Variants in LRRC37B observed in about 807,000 individuals in gnomAD.
LRRC37B encodes leucine-rich repeat-containing protein 37B.
LRRC37B carries 28 observed loss-of-function variants against 98.3 expected under a neutral mutation model. The ratio of observed to expected loss-of-function variants is 0.28; its 90% CI spans 0.21 to 0.39. The LOEUF (loss-of-function observed/expected upper bound fraction) is 0.39. LRRC37B is among the 10% of genes least tolerant of loss of function. The probability of loss-of-function intolerance (pLI) is 1.00; values close to 1 mark genes in which losing one functional copy is unlikely to be tolerated. For missense variants in LRRC37B, 938 were observed against 1,182.7 expected, an observed-to-expected ratio of 0.79 and a Z score of 3.03; for synonymous variants, 364 against 442.7, an observed-to-expected ratio of 0.82 and a Z score of 2.23.
chr17:32,011,145 C>T (rs552291126), intron 1 of LRRC37B, among the ~76,000 whole-genome samples: 2 of 151,748 alleles, frequency 1.3e-5, no homozygotes, highest in African/African-American at 2.4e-5. Flanking sequence ...TACAGGCACC[C>T]GCCACCACGC....
At chr17:32,026,485 C>A (rs150090108) in intron 2 of LRRC37B, among the ~76,000 whole-genome samples, 15,560 of 152,168 alleles carry the variant, frequency 0.1, 1,097 homozygotes, top group Middle Eastern at 0.15. Context: ...CTGGAGTTCA[C>A]TGGTGCGATC....
At chr17:32,022,416 A>T in exon 1 of LRRC37B, 2 of 1,613,456 alleles carry the variant, frequency 1.2e-6, no homozygotes, top group Non-Finnish European at 1.7e-6. Context: ...CCTGGAGCTT[A>T]GCATAACTAC....
chr17:32,021,478 C>A (rs1910778343), exon 1 of LRRC37B: 1 of 1,614,040 alleles, frequency 6.2e-7, no homozygotes, highest in African/African-American at 1.3e-5. Flanking sequence ...CCCCTGGGGC[C>A]AGAGCCGTTC....
At chr17:32,020,813 C>T, upstream of LRRC37B, 1 of 710,956 alleles carries the variant, frequency 1.4e-6, no homozygotes, top group Non-Finnish European at 2.1e-6. Flanking sequence ...GGTCCCGTGA[C>T]TTCCTTGGGA....
intron 8 of LRRC37B, chr17:32,047,168 G>A (rs1911608710): frequency 6.2e-6 from 1 of 161,852 alleles, no homozygotes; most frequent in African/African-American, 2.4e-5. Flanking sequence ...CTGTGATGGG[G>A]CTATGATATG....
chr17:32,035,306 A>T (rs1911216593), intron 6 of LRRC37B, among the ~76,000 whole-genome samples: 1 of 152,150 alleles, frequency 6.6e-6, no homozygotes, highest in Admixed American at 6.6e-5. Flanking sequence ...AAGATGGGTG[A>T]ATGCAATATG....
At chr17:32,021,697 A>T in exon 1 of LRRC37B, 1 of 1,614,234 alleles carries the variant, frequency 6.2e-7, no homozygotes. Flanking sequence ...AGACCAACCA[A>T]ATTTGTTGTT....
chr17:32,026,569 C>T (rs1330575407), intron 2 of LRRC37B, among the ~76,000 whole-genome samples: 1 of 152,162 alleles, frequency 6.6e-6, no homozygotes, highest in Admixed American at 6.5e-5. Flanking sequence ...GCTGGAATTA[C>T]AGGTGCCCGC....
intron 8 of LRRC37B, chr17:32,047,145 C>G (rs1911608172): frequency 1.9e-5 from 3 of 157,636 alleles, no homozygotes; most frequent in Admixed American, 1.8e-4. Flanking sequence ...TGTTTTTTTC[C>G]ATGTCGCATC....
chr17:32,052,805 T>G (rs1911795837), intron 11 of LRRC37B: 3 of 152,372 alleles, frequency 2.0e-5, no homozygotes, highest in African/African-American at 7.2e-5. Context: ...AATTAGCTAG[T>G]GTGGTGGTAT....
chr17:32,023,503 G>T (rs1910863194), intron 1 of LRRC37B, among the ~76,000 whole-genome samples: 1 of 152,216 alleles, frequency 6.6e-6, no homozygotes, highest in Admixed American at 6.5e-5. Flanking sequence ...TGATTCTGGA[G>T]CCAGGCTGCC....
intron 1 of LRRC37B, among the ~76,000 whole-genome samples, chr17:32,009,441 G>A (rs1201074443): frequency 1.3e-5 from 2 of 151,610 alleles, no homozygotes; most frequent in Admixed American, 1.3e-4. Context: ...TTTTTTGTTG[G>A]TTTGTTTGTT....
chr17:32,045,616 C>A, intron 7 of LRRC37B, 84 bp from the exon 11 acceptor site: 2 of 1,515,254 alleles, frequency 1.3e-6, no homozygotes, highest in Non-Finnish European at 1.8e-6. Flanking sequence ...CTTTGCCCAG[C>A]CCTGTGGTAG....
intron 2 of LRRC37B, among the ~76,000 whole-genome samples, chr17:32,027,019 T>A (rs992104067): frequency 6.6e-6 from 1 of 151,866 alleles, no homozygotes; most frequent in Non-Finnish European, 1.5e-5. Context: ...ATGGACCCTG[T>A]CTCAGAAATT....
At chr17:32,047,151 GCATCTT>G (rs1567620035) in intron 8 of LRRC37B, 2 of 157,702 alleles carry the variant, frequency 1.3e-5, no homozygotes, top group Non-Finnish European at 2.8e-5. Flanking sequence ...TTTCCATGTC[GCATCTT>G]CTGTGATGGG....
rs530260450 is a variant in LRRC37B, at chr17:32,015,607, T to C, written c.-190-2365T>C. Among the ~76,000 whole-genome samples, 6 of 152,334 alleles carry C rather than the reference T, an allele frequency of 3.9e-5. No individual in the cohort carries two copies. The South Asian group carries it at 1.2e-3, about 32-fold the overall frequency. Reference sequence around the variant, plus strand: ...AGAAGTCTGAAAACACTGTAATTTTTTTTAAAGAATTAATACAATAAATGT... The same window carrying C: ...AGAAGTCTGAAAACACTGTAATTTTCTTTAAAGAATTAATACAATAAATGT... On this transcript the variant is annotated intron_variant, in intron 1 of 14. Transcript: ENST00000543378.
chr17:32,041,748 G>A (rs1230824849), intron 7 of LRRC37B: 2 of 457,596 alleles, frequency 4.4e-6, no homozygotes, highest in African/African-American at 4.0e-5. Flanking sequence ...GACCCCTAAC[G>A]GTGACGGCTC....
At chr17:32,026,747 C>A (rs1910966767) in intron 2 of LRRC37B, among the ~76,000 whole-genome samples, 1 of 152,086 alleles carries the variant, frequency 6.6e-6, no homozygotes, top group Admixed American at 6.6e-5. Flanking sequence ...ATTTTAAAAG[C>A]AAGAAAATCA....
Position 32,049,530 on chromosome 17 carries a change from C to A in LRRC37B, c.2757+136C>A, listed in dbSNP as rs1263230712. 1.5e-5 allele frequency: 11 copies of A among 749,282 alleles called. No homozygotes were observed. In the East Asian group the frequency reaches 2.7e-4, roughly 18 times the overall value. The allele number at this position is 749,282 out of a possible 1,614,324, so 46.4% of individuals were successfully genotyped here. On this transcript the variant is annotated intron_variant, in intron 10 of 11. Coordinates refer to ENST00000327564, the Ensembl canonical transcript of LRRC37B. ...ATGTAACTTTGGCCATGACAGTGATCTCCCACTTTGCTCATGTAGACAGTG... is the reference window on the plus strand; with the variant it reads ...ATGTAACTTTGGCCATGACAGTGATATCCCACTTTGCTCATGTAGACAGTG...
Sources: allele counts gnomAD v4.1 joint callset (sites outside exome capture counted in the v4.1 genomes callset), GRCh38; gene constraint gnomAD v4.1.1; transcripts MANE v1.5; gene names NCBI Gene and HGNC (gene_info 2026-07-23, HGNC 2026-07-21).